Variants in TAFA2 observed in about 807,000 individuals in gnomAD.
The protein encoded by TAFA2 is chemokine-like protein TAFA-2.
In TAFA2, 7 loss-of-function variants were observed where a neutral mutation model predicts 18.8. The ratio of observed to expected loss-of-function variants is 0.37; its 90% CI spans 0.21 to 0.70. The LOEUF (loss-of-function observed/expected upper bound fraction) is 0.70, where lower values mean the gene tolerates loss of function less well. TAFA2 is among the 30% of genes least tolerant of loss of function. The pLI is 0.53. For synonymous variants in TAFA2, 60 were observed against 54.2 expected, an observed-to-expected ratio of 1.11 and a Z score of -0.47; for missense variants, 122 against 158.1, an observed-to-expected ratio of 0.77 and a Z score of 1.23.
intron 1 of TAFA2, among the ~76,000 whole-genome samples, chr12:61,938,837 A>G (rs1317150624): frequency 1.3e-5 from 2 of 152,140 alleles, no homozygotes; most frequent in Non-Finnish European, 1.5e-5. Flanking sequence ...GCTTACACTT[A>G]TAAGTGGGAG....
At chr12:61,977,670 A>G (rs1879485551) in intron 1 of TAFA2, among the ~76,000 whole-genome samples, 1 of 152,094 alleles carries the variant, frequency 6.6e-6, no homozygotes, top group African/African-American at 2.4e-5. Context: ...CTCTTTTTAA[A>G]GCCTAGCTTT....
intron 1 of TAFA2, among the ~76,000 whole-genome samples, chr12:61,893,108 A>C (rs1875703766): frequency 6.6e-6 from 1 of 152,214 alleles, no homozygotes; most frequent in Non-Finnish European, 1.5e-5. Flanking sequence ...AGGAGGTGCC[A>C]GTCAGAAGAA....
chr12:61,914,993 T>C (rs1188714565), intron 1 of TAFA2, among the ~76,000 whole-genome samples: 1 of 152,078 alleles, frequency 6.6e-6, no homozygotes, highest in Non-Finnish European at 1.5e-5. Flanking sequence ...TGAAACTCTG[T>C]CTACTAAAAA....
chr12:61,953,075 T>C (rs1250386865), intron 1 of TAFA2, among the ~76,000 whole-genome samples: 1 of 152,110 alleles, frequency 6.6e-6, no homozygotes, highest in East Asian at 1.9e-4. Flanking sequence ...TTGCATCCCC[T>C]CCTTATGTTT....
At chr12:62,009,680 T>C (rs370062054) in intron 1 of TAFA2, among the ~76,000 whole-genome samples, 1 of 152,252 alleles carries the variant, frequency 6.6e-6, no homozygotes, top group South Asian at 2.1e-4. Flanking sequence ...ATTCCATCCA[T>C]TTATTACTCA....
intron 1 of TAFA2, among the ~76,000 whole-genome samples, chr12:62,204,364 G>A (rs1009292726): frequency 2.0e-5 from 3 of 152,044 alleles, no homozygotes; most frequent in Admixed American, 6.6e-5. Context: ...TCTGGATTTC[G>A]TGAATTTGAA....
At chr12:61,764,034 G>A (rs79155417) in intron 2 of TAFA2, among the ~76,000 whole-genome samples, 6 of 152,068 alleles carry the variant, frequency 3.9e-5, no homozygotes, top group African/African-American at 7.2e-5. Context: ...TTATCAGCCA[G>A]AAGTATTCTC....
intron 1 of TAFA2, among the ~76,000 whole-genome samples, chr12:62,220,353 C>G (rs557201767): frequency 1.8e-4 from 27 of 151,508 alleles, no homozygotes; most frequent in Non-Finnish European, 3.7e-4. Context: ...AATGAGATAC[C>G]ACTACACACC....
At chr12:62,010,516 C>T (rs546391364) in intron 1 of TAFA2, among the ~76,000 whole-genome samples, 49 of 152,316 alleles carry the variant, frequency 3.2e-4, no homozygotes, top group African/African-American at 1.0e-3. Context: ...CAACCTGCAC[C>T]TTCCAGCCGC....
intron 2 of TAFA2, among the ~76,000 whole-genome samples, chr12:61,847,139 G>A (rs1873440991): frequency 6.6e-6 from 1 of 152,002 alleles, no homozygotes; most frequent in African/African-American, 2.4e-5. Flanking sequence ...TTACTTTTTT[G>A]TTCAACGTTA....
chr12:61,782,247 C>T (rs1363309953), intron 2 of TAFA2, among the ~76,000 whole-genome samples: 1 of 151,614 alleles, frequency 6.6e-6, no homozygotes, highest in Admixed American at 6.6e-5. Flanking sequence ...TTATACCCGC[C>T]TCCCTTTGGA....
At chr12:62,141,311 G>A (rs113555661) in intron 1 of TAFA2, among the ~76,000 whole-genome samples, 1 of 152,186 alleles carries the variant, frequency 6.6e-6, no homozygotes, top group African/African-American at 2.4e-5. Context: ...CTATAGCACT[G>A]CGAGAATGGG....
At chr12:61,778,606 A>G (rs1373701132) in intron 2 of TAFA2, among the ~76,000 whole-genome samples, 1 of 151,896 alleles carries the variant, frequency 6.6e-6, no homozygotes, top group Admixed American at 6.6e-5. Flanking sequence ...TCCTGCCCTC[A>G]GGGAAAAGAC....
intron 1 of TAFA2, among the ~76,000 whole-genome samples, chr12:61,982,800 A>C (rs1234147642): frequency 6.7e-6 from 1 of 149,382 alleles, no homozygotes. Flanking sequence ...GTCATGAAAC[A>C]TATGTTAACT....
At chr12:62,035,386 A>G (rs1371947683) in intron 1 of TAFA2, among the ~76,000 whole-genome samples, 1 of 152,212 alleles carries the variant, frequency 6.6e-6, no homozygotes, top group Non-Finnish European at 1.5e-5. Flanking sequence ...ACAGGAATAC[A>G]TAGCGCTCTA....
At chr12:61,988,154 G>T (rs536938017) in intron 1 of TAFA2, among the ~76,000 whole-genome samples, 1 of 151,964 alleles carries the variant, frequency 6.6e-6, no homozygotes, top group Non-Finnish European at 1.5e-5. Flanking sequence ...CCTACTTCAC[G>T]GGTGTCAATG....
intron 1 of TAFA2, among the ~76,000 whole-genome samples, chr12:61,985,969 C>T (rs1412557835): frequency 6.6e-6 from 1 of 152,066 alleles, no homozygotes; most frequent in Non-Finnish European, 1.5e-5. Context: ...GGCTCCACAG[C>T]TACCTCAGCC....
intron 1 of TAFA2, among the ~76,000 whole-genome samples, chr12:62,092,253 G>A (rs111531592): frequency 2.0e-4 from 30 of 151,932 alleles, no homozygotes; most frequent in African/African-American, 7.0e-4. Flanking sequence ...TAAATATGCT[G>A]TAATTTCTCT....
chr12:61,710,209 T>C lies in TAFA2; in HGVS notation c.*197A>G. 3 of 561,704 alleles carry C rather than the reference T, an allele frequency of 5.3e-6. No individual in the cohort carries two copies. Among genetic ancestry groups the C allele is most frequent in the South Asian group, 2.5e-5 (1 of 39,940 alleles). 34.8% of individuals were successfully genotyped at this position (561,704 alleles called of 1,614,324 possible). ...ACACAGTTCAAATCTGCTGAAATCTTCATGACATGCAAGTTCATGTCTGAC... is the reference window on the plus strand; with the variant it reads ...ACACAGTTCAAATCTGCTGAAATCTCCATGACATGCAAGTTCATGTCTGAC... On this transcript the variant is annotated 3_prime_UTR_variant, in exon 5 of 5. Transcript: ENST00000416284.
Sources: gnomAD v4.1 joint callset for allele counts (sites outside exome capture counted in the v4.1 genomes callset) on GRCh38, gnomAD v4.1.1 for gene constraint, MANE v1.5 for transcripts, NCBI Gene and HGNC (gene_info 2026-07-23, HGNC 2026-07-21) for gene names.